The following PHF2 variants were observed in gnomAD, a reference collection of about 807,000 sequenced individuals.
PHF2 encodes the protein lysine-specific demethylase PHF2.
PHF2 carries 27 observed loss-of-function variants against 120.5 expected under a neutral mutation model. The observed-to-expected ratio is 0.22, with a 90% confidence interval of 0.17 to 0.31. The LOEUF is 0.31. PHF2 is among the 10% of genes least tolerant of loss of function. The pLI is 1.00. For synonymous variants in PHF2, 568 were observed against 592.5 expected (o/e 0.96, Z 0.60); for missense variants, 1,024 against 1,434.8 (o/e 0.71, Z 4.63).
chr9:93,615,072 G>A (rs369598812), intron 1 of PHF2, among the ~76,000 whole-genome samples: 23 of 151,932 alleles, frequency 1.5e-4, no homozygotes, highest in African/African-American at 5.1e-4. Context: ...TGACAGTGAT[G>A]GTGGTGATGG....
intron 15 of PHF2, 50 bp downstream of exon 15, chr9:93,665,914 G>A: frequency 6.2e-7 from 1 of 1,612,034 alleles, no homozygotes; most frequent in Non-Finnish European, 8.5e-7. Context: ...GGCCCATCCT[G>A]CCCCGGAGAG....
chr9:93,611,431 G>A (rs1245954448), intron 1 of PHF2, among the ~76,000 whole-genome samples: 1 of 150,378 alleles, frequency 6.6e-6, no homozygotes, highest in Non-Finnish European at 1.5e-5. Context: ...AAAAAAAAGA[G>A]TATTCTTTTT....
chr9:93,597,349 C>T (rs1825354391), intron 1 of PHF2, among the ~76,000 whole-genome samples: 1 of 152,222 alleles, frequency 6.6e-6, no homozygotes, highest in Admixed American at 6.5e-5. Flanking sequence ...GGACTCCACA[C>T]CCTTTAGCTC....
chr9:93,599,112 A>G (rs1825387498), intron 1 of PHF2, among the ~76,000 whole-genome samples: 2 of 152,148 alleles, frequency 1.3e-5, no homozygotes, highest in East Asian at 1.9e-4. Context: ...TGTGGCTTTC[A>G]TGGTATCCCA....
At chr9:93,617,230 TGCACCCTGTAGCCTGCAGCAGGGCCGCA>T in intron 1 of PHF2, among the ~76,000 whole-genome samples, 1 of 152,160 alleles carries the variant, frequency 6.6e-6, no homozygotes, top group Non-Finnish European at 1.5e-5. Context: ...CATAGGAGGC[TGCACCCTGTAGCCTGCAGCAGGGCCGCA>T]GCTCCATGAG....
intron 4 of PHF2, among the ~76,000 whole-genome samples, chr9:93,647,782 G>A (rs1026855975): frequency 1.3e-5 from 2 of 152,052 alleles, no homozygotes; most frequent in African/African-American, 4.8e-5. Flanking sequence ...CCAGCTCCTC[G>A]GGAGGCTGAG....
chr9:93,649,711 C>CAT (rs1826330244), intron 5 of PHF2, among the ~76,000 whole-genome samples: 1 of 151,970 alleles, frequency 6.6e-6, no homozygotes, highest in Non-Finnish European at 1.5e-5. Flanking sequence ...GACTCATGGA[C>CAT]ACTCCAATGC....
Position 93,673,854 on chromosome 9 carries a change from C to T in PHF2, c.2618C>T (p.Ser873Leu). 1 of 1,593,026 alleles carries T rather than the reference C, an allele frequency of 6.3e-7. No individual in the cohort carries two copies. Among genetic ancestry groups the T allele is most frequent in the Non-Finnish European group, 8.6e-7 (1 of 1,165,638 alleles). ...QDHLDACFKD[S>L]DYVYPSLESD... ...CACCTGGATGCCTGCTTCAAGGACT[C>T]AGACTACGGTGAGTGTCACTCCTGC... Residue 873 changes from serine to leucine, a missense_variant, in exon 18 of 22, where the codon TCA becomes TTA. Physicochemically the swap from Ser to Leu is moderately radical, Grantham distance 145. Around this residue, in one of 2 missense-constraint regions of PHF2, gnomAD observed 677 missense variants for 857.4 expected, o/e 0.79. Transcript: ENST00000359246.
intron 12 of PHF2, among the ~76,000 whole-genome samples, chr9:93,662,311 G>C (rs1165165374): frequency 6.6e-6 from 1 of 151,160 alleles, no homozygotes; most frequent in Non-Finnish European, 1.5e-5. Flanking sequence ...GATTGAGTGA[G>C]TGGATGGGTG....
chr9:93,589,371 T>G (rs58782393), intron 1 of PHF2, among the ~76,000 whole-genome samples: 10,472 of 152,254 alleles, frequency 0.069, 554 homozygotes, highest in Admixed American at 0.14. Context: ...TGGAGAATTC[T>G]TTGTGTAGGG....
At chr9:93,607,258 TG>T in intron 1 of PHF2, among the ~76,000 whole-genome samples, 1 of 152,104 alleles carries the variant, frequency 6.6e-6, no homozygotes, top group East Asian at 1.9e-4. Context: ...CTGGGGTTTT[TG>T]TTGTTGTTGT....
intron 17 of PHF2, among the ~76,000 whole-genome samples, chr9:93,673,346 G>T (rs1373839812): frequency 6.6e-6 from 1 of 152,042 alleles, no homozygotes; most frequent in Non-Finnish European, 1.5e-5. Context: ...TCTGTCTCCA[G>T]GCCTCCAGCC....
At chr9:93,634,381 C>G (rs2131659892) in intron 2 of PHF2, among the ~76,000 whole-genome samples, 1 of 152,246 alleles carries the variant, frequency 6.6e-6, no homozygotes, top group South Asian at 2.1e-4. Context: ...GGCTGAACAT[C>G]TCAGCACACA....
intron 1 of PHF2, among the ~76,000 whole-genome samples, chr9:93,581,844 G>C (rs1002869099): frequency 6.6e-6 from 1 of 152,090 alleles, no homozygotes; most frequent in Non-Finnish European, 1.5e-5. Flanking sequence ...CATGTGCCAG[G>C]TCCTTCTAAA....
intron 1 of PHF2, among the ~76,000 whole-genome samples, chr9:93,611,976 A>T (rs796856447): frequency 6.6e-6 from 1 of 152,216 alleles, no homozygotes; most frequent in African/African-American, 2.4e-5. Context: ...ACTGCAATCA[A>T]GGGCCTGTGT....
chr9:93,631,110 G>A (rs917432079), intron 2 of PHF2, among the ~76,000 whole-genome samples: 9 of 152,124 alleles, frequency 5.9e-5, no homozygotes, highest in African/African-American at 1.4e-4. Context: ...GGGAGGATGC[G>A]GGCAATAGGT....
chr9:93,676,922 G>T lies in PHF2; in HGVS notation c.3161G>T (p.Arg1054Leu), dbSNP rs951758923. Residue 1054 changes from arginine to leucine, a missense_variant, in exon 21 of 22, where the codon CGG becomes CTG. Physicochemically the swap from Arg to Leu is moderately radical, Grantham distance 102. Around this residue, in one of 2 missense-constraint regions of PHF2, gnomAD observed 677 missense variants for 857.4 expected, o/e 0.79. Transcript: ENST00000359246. Reference sequence around the variant, plus strand: ...CCTGGGGTCTTTCTCACACAGAGGCGGCCCTCCGCATCGTCTCCAAACAAC... The same window carrying T: ...CCTGGGGTCTTTCTCACACAGAGGCTGCCCTCCGCATCGTCTCCAAACAAC... ...MAPGVFLTQR[R>L]PSASSPNNNT... The T allele has an allele frequency of 6.3e-7, 1 of 1,575,698 alleles. No individual in the cohort carries two copies. The highest frequency in any genetic ancestry group is 8.6e-7 in the Non-Finnish European group (1 of 1,158,724).
At chr9:93,590,327 T>C (rs1478346054) in intron 1 of PHF2, among the ~76,000 whole-genome samples, 2 of 152,244 alleles carry the variant, frequency 1.3e-5, no homozygotes, top group South Asian at 2.1e-4. Context: ...TGCTTTCTAA[T>C]GAAGACAGAA....
intron 12 of PHF2, among the ~76,000 whole-genome samples, chr9:93,662,494 G>A (rs1826588789): frequency 6.6e-6 from 1 of 151,554 alleles, no homozygotes; most frequent in African/African-American, 2.4e-5. Context: ...TGAATGGGTG[G>A]GTGGATGAAT....
Sources: gnomAD v4.1 joint callset for allele counts (sites outside exome capture counted in the v4.1 genomes callset) on GRCh38, gnomAD v4.1.1 for gene constraint, gnomAD v4.1.1 regional missense constraint, MANE v1.5 for transcripts, NCBI Gene and HGNC (gene_info 2026-07-23, HGNC 2026-07-21) for gene names.